Variants in TBL1Y observed in about 807,000 individuals in gnomAD.
TBL1Y encodes F-box-like/WD repeat-containing protein TBL1Y.
In TBL1Y, 15 loss-of-function variants were observed where a neutral mutation model predicts 12.0. The ratio of observed to expected loss-of-function variants is 1.25; its 90% CI spans 0.83 to 1.92. The LOEUF (loss-of-function observed/expected upper bound fraction) is 1.92. Ranked by LOEUF, TBL1Y falls within the 40% of genes most tolerant of loss-of-function variation. The pLI is 0.00. For missense variants in TBL1Y, 148 were observed against 116.7 expected (o/e 1.27, Z -1.24); for synonymous variants, 53 against 42.6 (o/e 1.24, Z -0.95).
intron 2 of TBL1Y, among the ~76,000 whole-genome samples, chrY:6,915,887 A>G (rs960480689): frequency 3.0e-5 from 1 of 33,400 alleles, no homozygotes; most frequent in Admixed American, 2.7e-4. Flanking sequence ...TTCTCTGCTC[A>G]GTGAGGAGAC....
intron 2 of TBL1Y, chrY:6,920,172 C>T (rs2011767049): frequency 5.9e-5 from 2 of 33,693 alleles, no homozygotes; most frequent in African/African-American, 1.2e-4. Flanking sequence ...CTGCTAAAAG[C>T]TTTCCTTTTT....
intron 4 of TBL1Y, among the ~76,000 whole-genome samples, chrY:7,016,248 T>G: frequency 3.1e-5 from 1 of 31,855 alleles, no homozygotes; most frequent in Non-Finnish European, 7.6e-5. Flanking sequence ...ATCATACAAA[T>G]TTGATTCTGT....
chrY:7,002,835 CTT>C (rs2012461331), intron 4 of TBL1Y, among the ~76,000 whole-genome samples: 2 of 33,564 alleles, frequency 6.0e-5, no homozygotes, highest in Non-Finnish European at 1.5e-4. Context: ...TGCCTTGTGA[CTT>C]TGCATCTTTG....
intron 2 of TBL1Y, among the ~76,000 whole-genome samples, chrY:6,954,126 C>A (rs2012051600): frequency 2.9e-5 from 1 of 34,128 alleles, no homozygotes; most frequent in Admixed American, 2.6e-4. Context: ...GGGTCAGGGA[C>A]CCACTTGAGG....
At chrY:7,012,761 C>T in intron 4 of TBL1Y, among the ~76,000 whole-genome samples, 1 of 34,044 alleles carries the variant, frequency 2.9e-5, no homozygotes, top group Non-Finnish European at 7.3e-5. Context: ...CCTACACAAC[C>T]TCAGTACGCT....
intron 2 of TBL1Y, among the ~76,000 whole-genome samples, chrY:6,968,565 A>G: frequency 3.0e-5 from 1 of 33,825 alleles, no homozygotes; most frequent in African/African-American, 1.2e-4. Flanking sequence ...TTCAGCTTAT[A>G]AAAAAGCATG....
intron 13 of TBL1Y, among the ~76,000 whole-genome samples, chrY:7,079,106 G>A: frequency 2.9e-5 from 1 of 34,203 alleles, no homozygotes; most frequent in Non-Finnish European, 7.3e-5. Context: ...CTCAAAAAAG[G>A]ATGAGAGTGC....
intron 3 of TBL1Y, among the ~76,000 whole-genome samples, chrY:6,993,497 T>A: frequency 3.2e-5 from 1 of 31,188 alleles, no homozygotes; most frequent in Non-Finnish European, 7.6e-5. Context: ...ATCACCTAGG[T>A]ATTAAGCCCA....
At chrY:6,946,117 T>C in intron 2 of TBL1Y, among the ~76,000 whole-genome samples, 1 of 33,627 alleles carries the variant, frequency 3.0e-5, no homozygotes, top group Admixed American at 2.7e-4. Flanking sequence ...TAAGATGTTA[T>C]TAGACTTTCC....
At chrY:6,925,814 T>C (rs761172580) in intron 2 of TBL1Y, among the ~76,000 whole-genome samples, 4 of 34,207 alleles carry the variant, frequency 1.2e-4, no homozygotes, top group East Asian at 1.6e-3. Context: ...TCGTTTGCCC[T>C]TCTGCCATGA....
intron 3 of TBL1Y, among the ~76,000 whole-genome samples, chrY:6,980,826 T>C: frequency 2.9e-5 from 1 of 33,959 alleles, no homozygotes; most frequent in Non-Finnish European, 7.3e-5. Context: ...ATTTTTGTCA[T>C]AGTCGTTGTA....
At chrY:7,051,458 G>A in intron 7 of TBL1Y, among the ~76,000 whole-genome samples, 2 of 33,408 alleles carry the variant, frequency 6.0e-5, no homozygotes, top group African/African-American at 2.3e-4. Context: ...AGCCGAGACT[G>A]CACCATTGCA....
At chrY:7,000,842 C>T (rs1005029867) in intron 4 of TBL1Y, among the ~76,000 whole-genome samples, 2 of 33,652 alleles carry the variant, frequency 5.9e-5, no homozygotes, top group Non-Finnish European at 1.5e-4. Flanking sequence ...TCAAGTGTCG[C>T]GCCCACCTCA....
At chrY:7,048,883 A>AT (rs759141452) in intron 7 of TBL1Y, among the ~76,000 whole-genome samples, 37 of 31,019 alleles carry the variant, frequency 1.2e-3, no homozygotes, top group East Asian at 3.3e-3. Context: ...AAGGCATTAC[A>AT]TTTTTTTTTT....
In TBL1Y at chrY:6,929,560, C is replaced by T. The variant is rs770111447; in HGVS notation, c.-266+17388C>T. Among the ~76,000 whole-genome samples the T allele has an allele frequency of 3.9e-4, 13 of 32,948 alleles. No individual in the cohort carries two copies. In the South Asian group the frequency reaches 7.1e-3, roughly 18 times the overall value. 88.4% of individuals were successfully genotyped at this position (32,948 alleles called of 37,273 possible). On this transcript the variant is annotated intron_variant, in intron 2 of 18. Coordinates refer to ENST00000383032, the MANE Select transcript of TBL1Y (RefSeq NM_033284.2). ...GGGCCCCTGAGAGTAGTGGTATGCC[C>T]GGGTACAACTGTGGCTGGGTGGTTG...
At chrY:7,052,181 T>A in intron 7 of TBL1Y, among the ~76,000 whole-genome samples, 1 of 34,290 alleles carries the variant, frequency 2.9e-5, no homozygotes, top group African/African-American at 1.1e-4. Context: ...GCTTGTTTAG[T>A]AAAGTTACAG....
At chrY:6,993,435 C>A (rs2012387959) in intron 3 of TBL1Y, among the ~76,000 whole-genome samples, 1 of 30,712 alleles carries the variant, frequency 3.3e-5, no homozygotes, top group Non-Finnish European at 7.7e-5. Flanking sequence ...GACATTCAGG[C>A]TTTTTACATA....
intron 17 of TBL1Y, 90 bp downstream of exon 17, chrY:7,087,522 G>A: frequency 6.8e-6 from 2 of 295,232 alleles, no homozygotes; most frequent in Non-Finnish European, 1.0e-5. Context: ...GTGCCCTTGA[G>A]GGAGTAGAGC....
Position 7,071,716 on chromosome Y carries a change from T to C in TBL1Y, c.797-17T>C. ...AGACCATGACAACAGAATCAACATG[T>C]TTGTTTTTACTAACAGGTAACCTGG... On this transcript the variant is annotated splice_polypyrimidine_tract_variant and intron_variant, in intron 11 of 18. Transcript: ENST00000383032. 2.5e-6 allele frequency: 1 copy of C among 395,924 alleles called. No homozygotes were observed. The highest frequency in any genetic ancestry group is 3.6e-6 in the Non-Finnish European group (1 of 281,610).
Sources: allele counts gnomAD v4.1 joint callset (sites outside exome capture counted in the v4.1 genomes callset), GRCh38; gene constraint gnomAD v4.1.1; transcripts MANE v1.5; gene names NCBI Gene and HGNC (gene_info 2026-07-23, HGNC 2026-07-21).